L3MBTL4: variants seen among roughly 807,000 people sequenced by gnomAD.
The protein encoded by L3MBTL4 is L3MBTL histone methyl-lysine binding protein 4.
In L3MBTL4, 70 loss-of-function variants were observed where a neutral mutation model predicts 84.5. The ratio of observed to expected loss-of-function variants is 0.83; its 90% CI spans 0.68 to 1.01. The LOEUF (loss-of-function observed/expected upper bound fraction) is 1.01, where lower values mean the gene tolerates loss of function less well. Ranked by LOEUF, L3MBTL4 falls within the 50% of genes least tolerant of loss-of-function variation. The probability of loss-of-function intolerance (pLI) is 0.00; values close to 1 mark genes in which losing one functional copy is unlikely to be tolerated. For synonymous variants in L3MBTL4, 274 were observed against 259.8 expected (o/e 1.05, Z -0.52); for missense variants, 715 against 754.8 (o/e 0.95, Z 0.62).
At chr18:5,981,694 AG>A (rs1482705776) in intron 16 of L3MBTL4, among the ~76,000 whole-genome samples, 1 of 151,368 alleles carries the variant, frequency 6.6e-6, no homozygotes, top group African/African-American at 2.4e-5. Context: ...TCCTGCTTGT[AG>A]TCCCAGCTAC....
At chr18:6,113,308 G>A (rs1257938335) in intron 14 of L3MBTL4, among the ~76,000 whole-genome samples, 1 of 151,972 alleles carries the variant, frequency 6.6e-6, no homozygotes, top group East Asian at 1.9e-4. Flanking sequence ...ATGGAAACGG[G>A]AATTGTATCT....
chr18:6,273,825 G>A (rs2048971896), intron 4 of L3MBTL4, among the ~76,000 whole-genome samples: 1 of 152,226 alleles, frequency 6.6e-6, no homozygotes, highest in Non-Finnish European at 1.5e-5. Context: ...AGAGGGAAGA[G>A]CTGGGAGGTG....
chr18:6,139,677 T>C (rs2144658794), intron 13 of L3MBTL4, among the ~76,000 whole-genome samples: 1 of 151,934 alleles, frequency 6.6e-6, no homozygotes, highest in South Asian at 2.1e-4. Flanking sequence ...ATTCCCTACT[T>C]CCTCCTCCTC....
chr18:6,245,863 A>T (rs28540644), intron 5 of L3MBTL4, among the ~76,000 whole-genome samples: 10,909 of 152,176 alleles, frequency 0.072, 1,298 homozygotes, highest in African/African-American at 0.25. Context: ...AGGGCTAGGA[A>T]TATAGGTGTG....
intron 16 of L3MBTL4, among the ~76,000 whole-genome samples, chr18:6,009,518 A>T (rs1170235120): frequency 6.6e-6 from 1 of 152,140 alleles, no homozygotes; most frequent in Non-Finnish European, 1.5e-5. Flanking sequence ...GCCCCTTGGT[A>T]TTCATGGGGA....
At chr18:5,975,953 GT>G (rs1458321593) in intron 16 of L3MBTL4, among the ~76,000 whole-genome samples, 1 of 152,160 alleles carries the variant, frequency 6.6e-6, no homozygotes, top group Non-Finnish European at 1.5e-5. Flanking sequence ...TTAGCTATTG[GT>G]CTTCCCTCAT....
intron 16 of L3MBTL4, among the ~76,000 whole-genome samples, chr18:5,990,571 A>G (rs562214): frequency 0.17 from 26,523 of 152,144 alleles, 2,731 homozygotes; most frequent in East Asian, 0.38. Context: ...TGGGATGAAG[A>G]GAATGAATGT....
chr18:6,343,615 T>A (rs1177959399), intron 1 of L3MBTL4, among the ~76,000 whole-genome samples: 1 of 142,622 alleles, frequency 7.0e-6, no homozygotes, highest in African/African-American at 2.7e-5. Context: ...CGAGTCAAGA[T>A]CGCACCACTG....
At chr18:6,111,388 A>C (rs1380019002) in intron 14 of L3MBTL4, among the ~76,000 whole-genome samples, 1 of 152,194 alleles carries the variant, frequency 6.6e-6, no homozygotes, top group Non-Finnish European at 1.5e-5. Context: ...AAAGTGACTT[A>C]GGATTTTTTA....
chr18:6,214,573 A>C (rs2046246992), intron 11 of L3MBTL4, among the ~76,000 whole-genome samples: 1 of 152,244 alleles, frequency 6.6e-6, no homozygotes, highest in East Asian at 1.9e-4. Context: ...ATAAACAGTC[A>C]AATCTTTCTG....
At chr18:6,013,806 C>T (rs1187730497) in intron 16 of L3MBTL4, among the ~76,000 whole-genome samples, 1 of 152,184 alleles carries the variant, frequency 6.6e-6, no homozygotes, top group Non-Finnish European at 1.5e-5. Flanking sequence ...ATTAGGCAAC[C>T]AGAAATATTT....
At chr18:6,325,719 C>T (rs1354254950) in intron 1 of L3MBTL4, among the ~76,000 whole-genome samples, 3 of 152,160 alleles carry the variant, frequency 2.0e-5, no homozygotes, top group Admixed American at 2.0e-4. Context: ...TATAGATATA[C>T]ATTTATTATA....
At chr18:6,295,346 C>CTCTCTCTCTCTCTATATATA (rs1261475809) in intron 4 of L3MBTL4, among the ~76,000 whole-genome samples, 1 of 81,388 alleles carries the variant, frequency 1.2e-5, no homozygotes, top group African/African-American at 6.6e-5. Flanking sequence ...CTCTCTCTCT[C>CTCTCTCTCTCTCTATATATA]TATATATATA....
intron 1 of L3MBTL4, among the ~76,000 whole-genome samples, chr18:6,363,237 T>C: frequency 6.6e-6 from 1 of 152,116 alleles, no homozygotes; most frequent in Admixed American, 6.5e-5. Flanking sequence ...TTTGGAAGCA[T>C]TTCTTCTAAC....
intron 16 of L3MBTL4, among the ~76,000 whole-genome samples, chr18:6,066,049 TTC>T (rs1446818443): frequency 2.6e-5 from 4 of 152,106 alleles, no homozygotes; most frequent in Non-Finnish European, 5.9e-5. Flanking sequence ...CTTTGATAAG[TTC>T]TGTCATTATT....
At chr18:6,247,458 CT>C (rs1220505596) in intron 5 of L3MBTL4, among the ~76,000 whole-genome samples, 6 of 141,984 alleles carry the variant, frequency 4.2e-5, no homozygotes, top group African/African-American at 1.5e-4. Flanking sequence ...AGACTTCCCC[CT>C]CCTCTGATTT....
chr18:6,108,358 A>G (rs2144029758), intron 14 of L3MBTL4, among the ~76,000 whole-genome samples: 1 of 152,306 alleles, frequency 6.6e-6, no homozygotes, highest in African/African-American at 2.4e-5. Flanking sequence ...AAATTCGTCA[A>G]TTTAAAAAAC....
intron 4 of L3MBTL4, among the ~76,000 whole-genome samples, chr18:6,265,177 C>CA (rs1156792347): frequency 1.3e-5 from 2 of 152,146 alleles, no homozygotes; most frequent in Admixed American, 1.3e-4. Flanking sequence ...TTACATAAAT[C>CA]AAAAACATTC....
At chr18:6,167,560 G>T (rs187090867) in intron 13 of L3MBTL4, among the ~76,000 whole-genome samples, 1,626 of 152,194 alleles carry the variant, frequency 0.011, 30 homozygotes, top group African/African-American at 0.037. Context: ...CATATAAACA[G>T]AACCAAAGAC....
Sources: gnomAD v4.1 joint callset for allele counts (sites outside exome capture counted in the v4.1 genomes callset) on GRCh38, gnomAD v4.1.1 for gene constraint, MANE v1.5 for transcripts, NCBI Gene and HGNC (gene_info 2026-07-23, HGNC 2026-07-21) for gene names.